Variants in KIR3DL2 observed in about 807,000 individuals in gnomAD.
KIR3DL2 encodes the protein killer cell immunoglobulin-like receptor 3DL2.
Under a neutral mutation model 41.6 loss-of-function variants are expected in KIR3DL2, and 42 were observed. The observed-to-expected ratio is 1.01, with a 90% CI of 0.79 to 1.31. KIR3DL2 has a LOEUF of 1.31. Ranked by LOEUF, KIR3DL2 falls within the 50% of genes most tolerant of loss-of-function variation. The pLI is 0.00. For synonymous variants in KIR3DL2, 230 were observed against 221.3 expected, an observed-to-expected ratio of 1.04 and a Z score of -0.35; for missense variants, 728 against 576.8, an observed-to-expected ratio of 1.26 and a Z score of -2.68.
chr19:54,856,000 C>T, intron 5 of KIR3DL2, 88 bp downstream of exon 5: 1 of 1,489,178 alleles, frequency 6.7e-7, no homozygotes. Context: ...GAAGCATGGA[C>T]AGATGCAGAG....
intron 5 of KIR3DL2, 152 bp from the exon 6 acceptor site, chr19:54,858,927 C>G: frequency 1.2e-6 from 1 of 812,686 alleles, no homozygotes; most frequent in Non-Finnish European, 2.1e-6. Context: ...CAGTGGGCAT[C>G]GCACACAAAA....
At position 54,851,405 on chromosome 19, in the gene KIR3DL2, G is replaced by A. The variant is rs2064223614; in HGVS notation, c.70+150G>A. On this transcript the variant is annotated intron_variant, in intron 2 of 8. Coordinates refer to ENST00000326321, the MANE Select transcript of KIR3DL2 (RefSeq NM_006737.4). ...CCACATTTCTGACCTCGCCCTCCCT[G>A]GCCTTTCTTTCCCTTTCCTGAGTCA... 2 of 758,688 alleles carry A rather than the reference G, an allele frequency of 2.6e-6. 1 individual carries two copies. The highest frequency in any genetic ancestry group is 6.8e-5 in the East Asian group (2 of 29,598). 47.0% of individuals were successfully genotyped at this position (758,688 alleles called of 1,614,324 possible).
chr19:54,850,466 C>T lies in KIR3DL2; in HGVS notation c.-10C>T, dbSNP rs1445301494. 3.5e-5 allele frequency: 56 copies of T among 1,608,294 alleles called. 1 individual carries two copies. Among genetic ancestry groups the T allele is most frequent in the Non-Finnish European group, 4.2e-5 (50 of 1,179,874 alleles). ...CTGGGGCGCGGCCTCCTGTCTGCAC[C>T]GGCAGCACCATGTCGCTCACGGTCG... On this transcript the variant is annotated 5_prime_UTR_variant, in exon 1 of 9. Transcript: ENST00000326321.
chr19:54,853,810 T>A lies in KIR3DL2; in HGVS notation c.419T>A (p.Val140Asp). ...PGPLLKSGET[V>D]ILQCWSDVMF... The stretch of plus-strand genomic sequence containing the variant: ...CCCCTGCTGAAATCAGGAGAGACAG[T>A]CATCCTGCAATGTTGGTCAGATGTC... Residue 140 changes from valine to aspartate, a missense_variant, in exon 4 of 9, where the codon GTC (valine) becomes GAC (aspartate). Transcript: ENST00000326321. 6.2e-7 allele frequency: 1 copy of A among 1,612,636 alleles called. No individual in the cohort carries two copies.
intron 6 of KIR3DL2, among the ~76,000 whole-genome samples, chr19:54,860,013 G>A (rs368299672): frequency 1.3e-5 from 2 of 151,882 alleles, no homozygotes; most frequent in South Asian, 4.2e-4. Flanking sequence ...GAAAACTTGG[G>A]GATTCTATTG....
chr19:54,865,427 C>T (rs4806456), intron 6 of KIR3DL2, among the ~76,000 whole-genome samples: 6,477 of 151,952 alleles, frequency 0.043, 177 homozygotes, highest in Middle Eastern at 0.092. Flanking sequence ...AACAACCAGC[C>T]CTCCGGGAAC....
Position 54,852,364 on chromosome 19 carries a change from C to A in KIR3DL2, c.355+82C>A, listed in dbSNP as rs571840757. ...CTGGTGGGGGTGTCCATCAGGGTCC[C>A]ATCACCCAGGCCCCAACTGTATTTG... On this transcript the variant is annotated intron_variant, in intron 3 of 8. Coordinates refer to ENST00000326321, the MANE Select transcript of KIR3DL2 (RefSeq NM_006737.4). 90 of 1,552,104 alleles carry A rather than the reference C, an allele frequency of 5.8e-5. 1 individual carries two copies. The highest frequency in any genetic ancestry group is 3.5e-4 in the South Asian group (31 of 88,172).
intron 6 of KIR3DL2, among the ~76,000 whole-genome samples, 175 bp downstream of exon 6, chr19:54,859,304 G>A (rs1381859543): frequency 1.3e-5 from 2 of 152,012 alleles, no homozygotes; most frequent in African/African-American, 2.4e-5. Context: ...AGGGCTCAGC[G>A]AAGTCTCTTT....
rs553106732 is a variant in KIR3DL2, at chr19:54,854,258, G to A, written c.655+212G>A. 8.6e-3 allele frequency among the ~76,000 whole-genome samples: 1,303 copies of A among 151,786 alleles called. 61 individuals are homozygous for A. Among genetic ancestry groups the A allele is most frequent in the African/African-American group, 0.029 (1,191 of 41,172 alleles). ...CAGAGGACAGACACAGGGGCCATACGGGGAAGTAGAAAAGAGAGAAAGAGG... is the reference window on the plus strand; with the variant it reads ...CAGAGGACAGACACAGGGGCCATACAGGGAAGTAGAAAAGAGAGAAAGAGG... On this transcript the variant is annotated intron_variant, in intron 4 of 8. Transcript: ENST00000326321.
At chr19:54,858,624 A>G (rs1352579778) in intron 5 of KIR3DL2, among the ~76,000 whole-genome samples, 2 of 151,296 alleles carry the variant, frequency 1.3e-5, no homozygotes, top group South Asian at 2.1e-4. Flanking sequence ...ACTACTCAGG[A>G]GTTTGAAGCA....
chr19:54,865,756 A>G (rs3826878), intron 6 of KIR3DL2, 49 bp from the exon 7 acceptor site: 56,230 of 1,475,204 alleles, frequency 0.038, 1,495 homozygotes, highest in East Asian at 0.11. Context: ...CAATCCATAA[A>G]GAGGAACTGC....
chr19:54,864,327 C>T (rs142201089), intron 6 of KIR3DL2, among the ~76,000 whole-genome samples: 6,499 of 152,196 alleles, frequency 0.043, 181 homozygotes, highest in Middle Eastern at 0.092. Flanking sequence ...TTAGGATTGA[C>T]TTGGCAATGC....
At chr19:54,862,324 T>A (rs1485896328) in intron 6 of KIR3DL2, among the ~76,000 whole-genome samples, 1 of 152,084 alleles carries the variant, frequency 6.6e-6, no homozygotes, top group Admixed American at 6.5e-5. Context: ...ATGTAGAAAC[T>A]GTAAAGCACA....
In KIR3DL2 at chr19:54,864,407, G is replaced by C. The variant is rs899030045; in HGVS notation, c.1001-1398G>C. ...AATTCTGTGAAGAAAGTCATTGGTA[G>C]CTTGATGGGGATGGCATTGAATCTA... is the stretch of plus-strand genomic sequence containing the variant. On this transcript the variant is annotated intron_variant, in intron 6 of 8. Coordinates refer to ENST00000326321, the MANE Select transcript of KIR3DL2 (RefSeq NM_006737.4). 1.1e-4 allele frequency among the ~76,000 whole-genome samples: 17 copies of C among 152,074 alleles called. 1 individual carries two copies.
intron 3 of KIR3DL2, 49 bp downstream of exon 3, chr19:54,852,331 C>T: frequency 2.5e-6 from 4 of 1,587,422 alleles, no homozygotes; most frequent in Non-Finnish European, 2.6e-6. Context: ...TCCTGAATCC[C>T]AGAGCTTCTG....
Position 54,866,740 on chromosome 19 carries a change from C to G in KIR3DL2, c.*9C>G. ...TTGAGGGGGTTTTCTAGGGAGACAA[C>G]AGCCCTGTCTCAAAACCAGGTTGCC... On this transcript the variant is annotated 3_prime_UTR_variant, in exon 9 of 9. Transcript: ENST00000326321. 6.2e-7 allele frequency: 1 copy of G among 1,613,096 alleles called. No homozygotes were observed. Among genetic ancestry groups the G allele is most frequent in the African/African-American group, 1.3e-5 (1 of 74,992 alleles).
intron 6 of KIR3DL2, among the ~76,000 whole-genome samples, chr19:54,860,034 G>A (rs1340121047): frequency 1.3e-5 from 2 of 151,994 alleles, no homozygotes; most frequent in East Asian, 3.9e-4. Flanking sequence ...GGTTCACCAA[G>A]ATGAAAATCC....
Position 54,852,191 on chromosome 19 carries a change from AC to A in KIR3DL2, c.265del (p.His89MetfsTer26), listed in dbSNP as rs775688695. The A allele has an allele frequency of 9.3e-6, 15 of 1,612,554 alleles. No homozygotes were observed. The African/African-American group carries it at 1.5e-4, about 16-fold the overall frequency. The part of the protein sequence containing the change: ...SFIMGPVTPA[H>X]AGTYRCRGSR... ...TCATCATGGGCCCTGTGACCCCAGC[AC>A]ATGCAGGGACCTACAGATGTCGGGG... On this transcript the variant is annotated frameshift_variant, in exon 3 of 9. Transcript: ENST00000326321. LOFTEE classifies it high-confidence loss of function.
chr19:54,855,091 A>G (rs1776380522), intron 4 of KIR3DL2, among the ~76,000 whole-genome samples: 1 of 151,378 alleles, frequency 6.6e-6, no homozygotes, highest in African/African-American at 2.4e-5. Context: ...ATATAAATAT[A>G]TAGATACATA....
Sources: gnomAD v4.1 joint callset for allele counts (sites outside exome capture counted in the v4.1 genomes callset) on GRCh38, gnomAD v4.1.1 for gene constraint, MANE v1.5 for transcripts, NCBI Gene and HGNC (gene_info 2026-07-23, HGNC 2026-07-21) for gene names.